Variants in ZFHX3 observed in about 807,000 individuals in gnomAD.
ZFHX3 encodes zinc finger homeobox 3, also known as zinc finger homeobox protein 3.
In ZFHX3, 42 loss-of-function variants were observed where a neutral mutation model predicts 279.1. The observed-to-expected ratio is 0.15, with a 90% CI of 0.12 to 0.19. ZFHX3 has a LOEUF of 0.19. Among genes scored for constraint, ZFHX3 ranks in the 10% least tolerant of loss-of-function variants. The probability of loss-of-function intolerance (pLI) is 1.00; values close to 1 mark genes in which losing one functional copy is unlikely to be tolerated. For missense variants in ZFHX3, 4,981 were observed against 4,754.0 expected (o/e 1.05, Z -1.40); for synonymous variants, 2,293 against 1,957.8 (o/e 1.17, Z -4.52).
chr16:73,835,259 A>G (rs1961107331), intron 1 of ZFHX3, among the ~76,000 whole-genome samples: 1 of 152,112 alleles, frequency 6.6e-6, no homozygotes, highest in South Asian at 2.1e-4. Context: ...TAGGATGGAA[A>G]CTGAAAGAAT....
At chr16:73,286,604 C>A (rs1044065164) in intron 4 of ZFHX3, among the ~76,000 whole-genome samples, 1 of 136,094 alleles carries the variant, frequency 7.3e-6, no homozygotes, top group African/African-American at 2.9e-5. Context: ...TGGGTCTCTG[C>A]GTAGCTGTGT....
Position 72,958,041 on chromosome 16 carries a change from A to G in ZFHX3, c.2105T>C (p.Val702Ala). 6.2e-7 allele frequency: 1 copy of G among 1,613,610 alleles called. No homozygotes were observed. Among genetic ancestry groups the G allele is most frequent in the Non-Finnish European group, 8.5e-7 (1 of 1,180,022 alleles). Residue 702 changes from valine (V) to alanine (A), a missense_variant, in exon 2 of 10, where the codon GTC (valine) becomes GCC (alanine). Coordinates refer to ENST00000268489, the MANE Select transcript of ZFHX3 (RefSeq NM_006885.4). ...EKHPEPGGSC[V>A]YCKSGQPHPR... ...GTGGGGCTGCCCGCTTTTGCAGTAG[A>G]CACAGGAGCCCCCCGGCTCCGGGTG...
At chr16:73,868,706 C>T (rs1194060735) in intron 1 of ZFHX3, among the ~76,000 whole-genome samples, 1 of 152,236 alleles carries the variant, frequency 6.6e-6, no homozygotes, top group East Asian at 1.9e-4. Context: ...GAAATTTTTT[C>T]ACTTAAATGT....
chr16:73,042,457 A>G (rs1405609808), intron 1 of ZFHX3, among the ~76,000 whole-genome samples: 1 of 152,180 alleles, frequency 6.6e-6, no homozygotes, highest in African/African-American at 2.4e-5. Context: ...GGAACAACCA[A>G]GAAACAAGCA....
At chr16:72,829,136 C>T (rs900704423) in intron 5 of ZFHX3, among the ~76,000 whole-genome samples, 1 of 151,474 alleles carries the variant, frequency 6.6e-6, no homozygotes, top group African/African-American at 2.4e-5. Context: ...CCCCGAGTAA[C>T]TGGGACTACA....
intron 4 of ZFHX3, among the ~76,000 whole-genome samples, chr16:73,283,111 C>A (rs992329645): frequency 3.3e-5 from 5 of 152,366 alleles, no homozygotes; most frequent in Middle Eastern, 3.4e-3. Flanking sequence ...CTCTCAACTT[C>A]TCCATTGCCA....
intron 2 of ZFHX3, among the ~76,000 whole-genome samples, chr16:73,650,711 T>G (rs928355132): frequency 1.3e-5 from 2 of 152,104 alleles, no homozygotes; most frequent in Non-Finnish European, 2.9e-5. Context: ...ACAACAAAAA[T>G]TAAGGTGACA....
chr16:73,516,723 G>C (rs1253501533), intron 2 of ZFHX3, among the ~76,000 whole-genome samples: 1 of 152,156 alleles, frequency 6.6e-6, no homozygotes, highest in Non-Finnish European at 1.5e-5. Flanking sequence ...GAACCCAGGA[G>C]TGCAGGAGCT....
chr16:73,833,499 C>T (rs1961054436), intron 1 of ZFHX3, among the ~76,000 whole-genome samples: 2 of 151,974 alleles, frequency 1.3e-5, no homozygotes, highest in Admixed American at 1.3e-4. Flanking sequence ...CAAACTAACA[C>T]AAGAAAAGAA....
chr16:72,961,687 G>A (rs571914458), intron 1 of ZFHX3, among the ~76,000 whole-genome samples: 2 of 151,332 alleles, frequency 1.3e-5, no homozygotes, highest in Non-Finnish European at 2.9e-5. Context: ...GCTCCCCCTC[G>A]GGAAAAACTG....
chr16:73,040,434 C>T (rs1045493812), intron 1 of ZFHX3, among the ~76,000 whole-genome samples: 1 of 152,112 alleles, frequency 6.6e-6, no homozygotes, highest in Non-Finnish European at 1.5e-5. Context: ...TACAAACAAG[C>T]CAGGACAAGT....
chr16:72,998,396 G>A (rs557585567), intron 1 of ZFHX3, among the ~76,000 whole-genome samples: 2 of 152,246 alleles, frequency 1.3e-5, no homozygotes, highest in Non-Finnish European at 2.9e-5. Flanking sequence ...CTGAGACTCT[G>A]TCTCAAAAAA....
At chr16:73,092,958 G>C (rs753548121) in intron 8 of ZFHX3, 1 of 519,964 alleles carries the variant, frequency 1.9e-6, no homozygotes, top group African/African-American at 1.9e-5. Flanking sequence ...GTATCCCTTC[G>C]TTTATGCTCT....
chr16:73,239,734 G>C (rs541189739), intron 5 of ZFHX3, among the ~76,000 whole-genome samples: 1 of 152,298 alleles, frequency 6.6e-6, no homozygotes, highest in East Asian at 1.9e-4. Context: ...CCACAAAGCA[G>C]AAAATGGCAT....
intron 3 of ZFHX3, among the ~76,000 whole-genome samples, chr16:72,941,195 G>C (rs911794114): frequency 1.3e-5 from 2 of 152,208 alleles, no homozygotes; most frequent in African/African-American, 4.8e-5. Context: ...AAGTAAGTTT[G>C]AACAAACAGC....
chr16:72,824,072 AG>A (rs1386932107), intron 5 of ZFHX3, among the ~76,000 whole-genome samples: 2 of 152,216 alleles, frequency 1.3e-5, no homozygotes, highest in Non-Finnish European at 2.9e-5. Context: ...CAGGGAAAAC[AG>A]GGGGAGGGCT....
At position 72,786,272 on chromosome 16, in the gene ZFHX3, A is replaced by G. The variant is rs1335141765; in HGVS notation, c.*892T>C. ...TTTTTTTTTTCCTTTTAAATCTACC[A>G]TACTGCTTCAGTTCATTTCCAATGC... On this transcript the variant is annotated 3_prime_UTR_variant, in exon 10 of 10. Coordinates refer to ENST00000268489, the MANE Select transcript of ZFHX3 (RefSeq NM_006885.4). 2.0e-5 allele frequency: 3 copies of G among 151,768 alleles called. No individual in the cohort carries two copies. Among genetic ancestry groups the G allele is most frequent in the African/African-American group, 7.3e-5 (3 of 41,102 alleles). 9.4% of individuals were successfully genotyped at this position (151,768 alleles called of 1,614,324 possible). A position where few individuals can be genotyped will look rare whatever the true frequency, so the allele number is the denominator to read the frequency against.
intron 4 of ZFHX3, among the ~76,000 whole-genome samples, chr16:73,282,114 T>C (rs1470639803): frequency 6.6e-6 from 1 of 152,240 alleles, no homozygotes; most frequent in Admixed American, 6.5e-5. Context: ...AGATATTTGT[T>C]TGCAAAGTTA....
At chr16:73,513,714 C>A (rs898388803) in intron 2 of ZFHX3, among the ~76,000 whole-genome samples, 2 of 152,004 alleles carry the variant, frequency 1.3e-5, no homozygotes, top group African/African-American at 2.4e-5. Flanking sequence ...TGGTCAGGAG[C>A]CTGGAAGGAG....
Sources: gnomAD v4.1 joint callset for allele counts (sites outside exome capture counted in the v4.1 genomes callset) on GRCh38, gnomAD v4.1.1 for gene constraint, MANE v1.5 for transcripts, NCBI Gene and HGNC (gene_info 2026-07-23, HGNC 2026-07-21) for gene names.